EMILIN2: variants seen among roughly 807,000 people sequenced by gnomAD.
EMILIN2 encodes the protein EMILIN-2.
A neutral mutation model predicts 87.1 loss-of-function variants in EMILIN2; 71 were observed. The ratio of observed to expected loss-of-function variants is 0.82; its 90% confidence interval spans 0.67 to 0.99. EMILIN2 has a LOEUF of 0.99. Among genes scored for constraint, EMILIN2 ranks in the 50% least tolerant of loss-of-function variants. The probability of loss-of-function intolerance (pLI) is 0.00; values close to 1 mark genes in which losing one functional copy is unlikely to be tolerated. For missense variants in EMILIN2, 1,407 were observed against 1,371.8 expected, an observed-to-expected ratio of 1.03 and a Z score of -0.40; for synonymous variants, 581 against 563.4, an observed-to-expected ratio of 1.03 and a Z score of -0.44.
Position 2,847,706 on chromosome 18 carries a change from C to G in EMILIN2, c.135-103C>G, listed in dbSNP as rs1354499773. Reference sequence around the variant, plus strand: ...CCGCCTCCGCAGAGGGCGACGGGCCCCCCCGACCCTCGCTCGGTCTGGTGC... The same window carrying G: ...CCGCCTCCGCAGAGGGCGACGGGCCGCCCCGACCCTCGCTCGGTCTGGTGC... On this transcript the variant is annotated intron_variant, in intron 1 of 7. Coordinates refer to ENST00000254528, the MANE Select transcript of EMILIN2 (RefSeq NM_032048.3). The surrounding 1 kb of genome is among the most constrained non-coding windows in gnomAD (Gnocchi z 4.5). 6.1e-6 allele frequency: 9 copies of G among 1,485,708 alleles called. No individual in the cohort carries two copies. The highest frequency in any genetic ancestry group is 2.2e-5 in the Admixed American group (1 of 45,192). The allele number at this position is 1,485,708 out of a possible 1,614,324, so 92.0% of individuals were successfully genotyped here.
chr18:2,849,379 A>G (rs1276720265), intron 2 of EMILIN2, among the ~76,000 whole-genome samples: 2 of 152,248 alleles, frequency 1.3e-5, no homozygotes, highest in Non-Finnish European at 2.9e-5. Flanking sequence ...ACTGGTGACA[A>G]TTCGGAGATA....
rs776357336 is a variant in EMILIN2 at position 2,891,707 on chromosome 18, T to TGTCAGG, written c.1587_1592dup (p.Ser530_Gly531dup). ...CCAGGGGCAGCAGCCCTGCCAGGAG[T>TGTCAGG]GTCAGGGTCAGGAGATGAACGGGTC... is the stretch of plus-strand genomic sequence containing the variant. On this transcript the variant is annotated inframe_insertion, in exon 4 of 8. Coordinates refer to ENST00000254528, the MANE Select transcript of EMILIN2 (RefSeq NM_032048.3). This position sits in a 1 kb window ranked among gnomAD's most constrained non-coding sequence, Gnocchi z 4.6. 1 of 1,613,702 alleles carries TGTCAGG rather than the reference T, an allele frequency of 6.2e-7. No individual in the cohort carries two copies. The highest frequency in any genetic ancestry group is 2.2e-5 in the East Asian group (1 of 44,852).
chr18:2,874,478 T>A (rs1165346831), intron 2 of EMILIN2, among the ~76,000 whole-genome samples: 1 of 152,126 alleles, frequency 6.6e-6, no homozygotes, highest in Non-Finnish European at 1.5e-5. Context: ...TCTCTTTATC[T>A]CGCTAAGCAG....
At position 2,914,082 on chromosome 18, in the gene EMILIN2, T is replaced by C. The variant is rs1332922703; in HGVS notation, c.*678T>C. 1 of 152,518 alleles carries C rather than the reference T, an allele frequency of 6.6e-6. No homozygotes were observed. The highest frequency in any genetic ancestry group is 6.5e-5 in the Admixed American group (1 of 15,288). The allele number at this position is 152,518 out of a possible 1,614,324, so 9.4% of individuals were successfully genotyped here. ...TGGAAAGCCATTTCCAGTTAACTTT[T>C]GTTAATTTAAGTGTGGTCCCTTACA... On this transcript the variant is annotated 3_prime_UTR_variant, in exon 8 of 8. Transcript: ENST00000254528.
At chr18:2,879,783 G>T (rs2076768091) in intron 2 of EMILIN2, among the ~76,000 whole-genome samples, 1 of 151,750 alleles carries the variant, frequency 6.6e-6, no homozygotes, top group African/African-American at 2.4e-5. Flanking sequence ...ATGGCTCACT[G>T]CAGTCTCAAA....
chr18:2,876,924 A>T (rs1250514199), intron 2 of EMILIN2, among the ~76,000 whole-genome samples: 1 of 152,228 alleles, frequency 6.6e-6, no homozygotes, highest in Non-Finnish European at 1.5e-5. Context: ...TAAAAGGCCA[A>T]GTGAAATATT....
rs1029711961 is a variant in EMILIN2 at position 2,848,352 on chromosome 18, T to C, written c.257+421T>C. 2.5e-4 allele frequency among the ~76,000 whole-genome samples: 38 copies of C among 152,204 alleles called. No homozygotes were observed. Among genetic ancestry groups the C allele is most frequent in the Non-Finnish European group, 3.8e-4 (26 of 68,016 alleles). On this transcript the variant is annotated intron_variant, in intron 2 of 7. Transcript: ENST00000254528. The surrounding 1 kb of genome is among the most constrained non-coding windows in gnomAD (Gnocchi z 4.1). Reference sequence around the variant, plus strand: ...TTCCGTATAGGATTCGCTGAGAGGTTTGGCTAAGTAGTGTTCTAAAACGAG... The same window carrying C: ...TTCCGTATAGGATTCGCTGAGAGGTCTGGCTAAGTAGTGTTCTAAAACGAG...
chr18:2,913,643 A>AT lies in EMILIN2; in HGVS notation c.*239_*240insT. The AT allele has an allele frequency of 2.9e-6, 1 of 339,262 alleles. No individual in the cohort carries two copies. Among genetic ancestry groups the AT allele is most frequent in the South Asian group, 1.2e-4 (1 of 8,632 alleles). 21.0% of individuals were successfully genotyped at this position (339,262 alleles called of 1,614,324 possible). A position where few individuals can be genotyped will look rare whatever the true frequency, so the allele number is the denominator to read the frequency against. On this transcript the variant is annotated 3_prime_UTR_variant, in exon 8 of 8. Transcript: ENST00000254528. The stretch of plus-strand genomic sequence containing the variant: ...CTGCCACTCTAACTGGACAACTGGA[A>AT]GACTTGGAAAGGCCTCCACCTGTAT...
chr18:2,892,187 C>G lies in EMILIN2; in HGVS notation c.2060C>G (p.Ala687Gly), dbSNP rs2076841641. 3.7e-6 allele frequency: 6 copies of G among 1,606,612 alleles called. No individual in the cohort carries two copies. In the African/African-American group the frequency reaches 5.3e-5, roughly 14 times the overall value. ...AGCCAGGTCATCTCGGAGCTGGATGCTTGTAAGGAATGCACGCAGGGGGTC... is the reference window on the plus strand; with the variant it reads ...AGCCAGGTCATCTCGGAGCTGGATGGTTGTAAGGAATGCACGCAGGGGGTC... Reference protein sequence around the residue: ...LQSQVISELDACKECTQGVQR... With the variant: ...LQSQVISELDGCKECTQGVQR... Residue 687 changes from alanine to glycine, a missense_variant, in exon 4 of 8, where the codon GCT becomes GGT. Ala to Gly is a moderately conservative substitution (Grantham distance 60). Transcript: ENST00000254528.
At chr18:2,862,830 A>G (rs987404490) in intron 2 of EMILIN2, among the ~76,000 whole-genome samples, 10 of 152,148 alleles carry the variant, frequency 6.6e-5, no homozygotes, top group Admixed American at 5.9e-4. Context: ...GGTAGAATAC[A>G]GCTGTGAATC....
intron 2 of EMILIN2, among the ~76,000 whole-genome samples, chr18:2,879,522 G>A (rs981267489): frequency 2.6e-5 from 4 of 151,828 alleles, no homozygotes; most frequent in African/African-American, 4.8e-5. Flanking sequence ...TTAGCCAGGC[G>A]TGGTGGCACA....
rs9955683 is a variant in EMILIN2, at chr18:2,871,498, G to A, written c.258-13466G>A. On this transcript the variant is annotated intron_variant, in intron 2 of 7. Transcript: ENST00000254528. ...GACTCACTCAGGAGACTGGCAGTCC[G>A]TGCCAGAATGGAGGGGGATGCCCAG... Among the ~76,000 whole-genome samples the A allele has an allele frequency of 2.3e-3, 352 of 152,352 alleles. 1 individual carries two copies. The highest frequency in any genetic ancestry group is 6.7e-3 in the African/African-American group (277 of 41,592).
Position 2,892,334 on chromosome 18 carries a change from G to T in EMILIN2, c.2207G>T (p.Ser736Ile). ...IKEGLNKHVS[S>I]LWNCVRQMNG... is the part of the protein sequence containing the mutation. The stretch of plus-strand genomic sequence containing the variant: ...GAGGGGCTCAACAAGCATGTCAGCA[G>T]CCTGTGGAACTGTGTCAGGCAGATG... The change falls in exon 4 of 8, where the codon AGC (serine) becomes ATC (isoleucine). Residue 736 changes from serine (S) to isoleucine (I), a missense_variant. Coordinates refer to ENST00000254528, the MANE Select transcript of EMILIN2 (RefSeq NM_032048.3). 2 of 1,614,184 alleles carry T rather than the reference G, an allele frequency of 1.2e-6. No homozygotes were observed. The highest frequency in any genetic ancestry group is 1.7e-6 in the Non-Finnish European group (2 of 1,180,020).
At chr18:2,856,353 G>A (rs888494205) in intron 2 of EMILIN2, among the ~76,000 whole-genome samples, 3 of 152,212 alleles carry the variant, frequency 2.0e-5, no homozygotes, top group African/African-American at 7.2e-5. Flanking sequence ...TAGCCTGTGG[G>A]TATTTCTTAC....
chr18:2,898,197 TACTC>T (rs1409606037), intron 4 of EMILIN2, among the ~76,000 whole-genome samples: 6 of 152,224 alleles, frequency 3.9e-5, no homozygotes, highest in African/African-American at 1.4e-4. Flanking sequence ...CATAGGGAAT[TACTC>T]ACAGGTATCC....
Position 2,891,158 on chromosome 18 carries a change from G to C in EMILIN2, c.1031G>C (p.Cys344Ser), listed in dbSNP as rs1320473013. The stretch of plus-strand genomic sequence containing the variant: ...AAGCTGGCTGACCTGAAAAACTCAT[G>C]TGAGTACAAGCTCACTGGCCTCCAG... ...DRKLADLKNS[C>S]EYKLTGLQQQ... Residue 344 changes from cysteine (C) to serine (S), a missense_variant, in exon 4 of 8, where the codon TGT becomes TCT. By Grantham distance (112) the Cys-to-Ser change is moderately radical (BLOSUM62 -1). Transcript: ENST00000254528. The surrounding 1 kb of genome is among the most constrained non-coding windows in gnomAD (Gnocchi z 4.6). The C allele has an allele frequency of 6.2e-7, 1 of 1,614,240 alleles. No homozygotes were observed. Among genetic ancestry groups the C allele is most frequent in the African/African-American group, 1.3e-5 (1 of 75,058 alleles).
chr18:2,869,038 C>A (rs2076705966), intron 2 of EMILIN2, among the ~76,000 whole-genome samples: 2 of 151,486 alleles, frequency 1.3e-5, no homozygotes, highest in Non-Finnish European at 2.9e-5. Flanking sequence ...AAATATTAGA[C>A]CTGAGTTCTC....
At chr18:2,858,601 A>ATG (rs1555665474) in intron 2 of EMILIN2, among the ~76,000 whole-genome samples, 45 of 103,604 alleles carry the variant, frequency 4.3e-4, no homozygotes, top group Admixed American at 7.6e-4. Flanking sequence ...ATATATATAT[A>ATG]TGTGTATATA....
chr18:2,858,583 G>GTGTGTA lies in EMILIN2; in HGVS notation c.257+10653_257+10654insGTGTAT, dbSNP rs1180735843. Among the ~76,000 whole-genome samples, 61 of 63,036 alleles carry GTGTGTA rather than the reference G, an allele frequency of 9.7e-4. 1 individual carries two copies. The highest frequency in any genetic ancestry group is 4.1e-3 in the South Asian group (7 of 1,694). 41.4% of individuals were successfully genotyped at this position (63,036 alleles called of 152,430 possible). A position where few individuals can be genotyped will look rare whatever the true frequency, so the allele number is the denominator to read the frequency against. On this transcript the variant is annotated intron_variant, in intron 2 of 7. Transcript: ENST00000254528. ...TATATATATATATGTGTGTGTGTGT[G>GTGTGTA]TATATATATATATATATATGTGTAT...
Sources: allele counts gnomAD v4.1 joint callset (sites outside exome capture counted in the v4.1 genomes callset), GRCh38; gene constraint gnomAD v4.1.1; non-coding constraint Gnocchi (gnomAD v3.1); transcripts MANE v1.5; gene names NCBI Gene and HGNC (gene_info 2026-07-23, HGNC 2026-07-21).